ACTN4: variants seen among roughly 807,000 people sequenced by gnomAD.
The protein encoded by ACTN4 is actinin alpha 4, also known as alpha-actinin-4.
ACTN4 carries 18 observed loss-of-function variants against 114.2 expected under a neutral mutation model. The observed-to-expected ratio is 0.16, with a 90% CI of 0.11 to 0.23. The LOEUF is 0.23. Ranked by LOEUF, ACTN4 falls within the 10% of genes least tolerant of loss-of-function variation. ACTN4 has a pLI of 1.00. For synonymous variants in ACTN4, 515 were observed against 506.3 expected (o/e 1.02, Z -0.23); for missense variants, 722 against 1,262.9 (o/e 0.57, Z 6.49).
intron 1 of ACTN4, among the ~76,000 whole-genome samples, chr19:38,675,648 A>G (rs1967349533): frequency 6.6e-6 from 1 of 152,222 alleles, no homozygotes; most frequent in Admixed American, 6.5e-5. Flanking sequence ...ATCAGGCTCA[A>G]GTCCATGTTG....
At chr19:38,689,582 C>G (rs1001464063) in intron 1 of ACTN4, among the ~76,000 whole-genome samples, 20 of 151,804 alleles carry the variant, frequency 1.3e-4, no homozygotes, top group African/African-American at 4.8e-4. Flanking sequence ...ACTGTAGCCT[C>G]GAATTCCCAG....
intron 1 of ACTN4, among the ~76,000 whole-genome samples, chr19:38,680,247 A>G (rs1239032441): frequency 8.1e-6 from 1 of 123,450 alleles, no homozygotes; most frequent in Non-Finnish European, 1.6e-5. Flanking sequence ...TTTTTTTTTA[A>G]AGTCAGAGTC....
chr19:38,696,461 C>T (rs1380427065), intron 1 of ACTN4, among the ~76,000 whole-genome samples: 2 of 152,126 alleles, frequency 1.3e-5, no homozygotes, highest in Admixed American at 6.5e-5. Context: ...CCCCACGCAG[C>T]GTAGTCTAAA....
Position 38,724,710 on chromosome 19 carries a change from C to T in ACTN4, c.2010+145C>T. On this transcript the variant is annotated intron_variant, in intron 16 of 20. Transcript: ENST00000252699. The surrounding 1 kb of genome is among the most constrained non-coding windows in gnomAD (Gnocchi z 7.0). ...CTCACCACCCAGGGGCCGTGATCACCCTGCGGGGTTAGGAGAGTCCACAGA... is the reference window on the plus strand; with the variant it reads ...CTCACCACCCAGGGGCCGTGATCACTCTGCGGGGTTAGGAGAGTCCACAGA... The T allele has an allele frequency of 5.0e-6, 7 of 1,394,320 alleles. No individual in the cohort carries two copies. Among genetic ancestry groups the T allele is most frequent in the Non-Finnish European group, 6.9e-6 (7 of 1,012,148 alleles). 86.4% of individuals were successfully genotyped at this position (1,394,320 alleles called of 1,614,324 possible).
chr19:38,655,971 T>G (rs1005014692), intron 1 of ACTN4, among the ~76,000 whole-genome samples: 1 of 152,200 alleles, frequency 6.6e-6, no homozygotes, highest in African/African-American at 2.4e-5. Flanking sequence ...ATGCAACCAT[T>G]CATTTTTTTT....
chr19:38,713,544 G>A (rs922242357), intron 8 of ACTN4, among the ~76,000 whole-genome samples: 3 of 152,176 alleles, frequency 2.0e-5, no homozygotes, highest in Admixed American at 1.3e-4. Flanking sequence ...AGCATGGCGC[G>A]GGGTGTGCAC....
At chr19:38,714,309 C>T (rs1178906609) in intron 8 of ACTN4, among the ~76,000 whole-genome samples, 160 bp from the exon 9 acceptor site, 3 of 152,212 alleles carry the variant, frequency 2.0e-5, no homozygotes, top group Non-Finnish European at 4.4e-5. Context: ...GCCAACAAGG[C>T]CTATTGGGAC....
chr19:38,666,400 C>T (rs1966962330), intron 1 of ACTN4, among the ~76,000 whole-genome samples: 1 of 152,198 alleles, frequency 6.6e-6, no homozygotes, highest in Non-Finnish European at 1.5e-5. Flanking sequence ...TCAGGAGCTG[C>T]CCATTGTTGG....
intron 1 of ACTN4, among the ~76,000 whole-genome samples, chr19:38,675,952 C>G (rs1234250147): frequency 6.6e-6 from 1 of 152,220 alleles, no homozygotes; most frequent in Non-Finnish European, 1.5e-5. Context: ...GCCATGGACT[C>G]AGATTCTCAG....
chr19:38,670,851 C>A (rs1268405411), intron 1 of ACTN4, among the ~76,000 whole-genome samples: 1 of 150,528 alleles, frequency 6.6e-6, no homozygotes, highest in Non-Finnish European at 1.5e-5. Flanking sequence ...TGAACCAGGG[C>A]GTCGGAGGTT....
chr19:38,662,502 T>C (rs760650054), intron 1 of ACTN4, among the ~76,000 whole-genome samples: 12 of 152,230 alleles, frequency 7.9e-5, no homozygotes, highest in Non-Finnish European at 1.5e-4. Flanking sequence ...GTTTCCATTC[T>C]CCTGGCAGCA....
At chr19:38,684,123 C>T (rs962248821) in intron 1 of ACTN4, 1 of 152,240 alleles carries the variant, frequency 6.6e-6, no homozygotes, top group Non-Finnish European at 1.5e-5. Context: ...TGGGTATATC[C>T]CCCAGCATTC....
Position 38,730,562 on chromosome 19 carries a change from C to A in ACTN4, c.*1130C>A. On this transcript the variant is annotated 3_prime_UTR_variant, in exon 21 of 21. Coordinates refer to ENST00000252699, the MANE Select transcript of ACTN4 (RefSeq NM_004924.6). ...GCAGCATCATCTTTTTTTATTTCTC[C>A]TGTGTCTGTCCTCCACCTTCTAGGA... 1 of 500,534 alleles carries A rather than the reference C, an allele frequency of 2.0e-6. No homozygotes were observed. The highest frequency in any genetic ancestry group is 3.6e-6 in the Non-Finnish European group (1 of 280,170). 31.0% of individuals were successfully genotyped at this position (500,534 alleles called of 1,614,324 possible).
rs372638469 is a variant in ACTN4, at chr19:38,731,149, C to T, written c.*1717C>T. The T allele has an allele frequency of 1.9e-5, 31 of 1,612,986 alleles. No individual in the cohort carries two copies. The highest frequency in any genetic ancestry group is 9.3e-5 in the African/African-American group (7 of 74,904). ...TGGGCCACACAGGACACGAACCGCT[C>T]GAAGTCCACACGCAGACGGCTATCC... is the stretch of plus-strand genomic sequence containing the variant. On this transcript the variant is annotated 3_prime_UTR_variant, in exon 21 of 21. Coordinates refer to ENST00000252699, the MANE Select transcript of ACTN4 (RefSeq NM_004924.6).
chr19:38,676,118 T>A (rs972921330), intron 1 of ACTN4, among the ~76,000 whole-genome samples: 14 of 151,856 alleles, frequency 9.2e-5, no homozygotes, highest in Non-Finnish European at 1.8e-4. Flanking sequence ...GAGTCCCATA[T>A]GGGAGTTATT....
At chr19:38,673,573 A>G (rs1967234776) in intron 1 of ACTN4, among the ~76,000 whole-genome samples, 1 of 122,246 alleles carries the variant, frequency 8.2e-6, no homozygotes, top group South Asian at 2.2e-4. Flanking sequence ...ATATTTATAT[A>G]TATTCATATA....
intron 1 of ACTN4, among the ~76,000 whole-genome samples, chr19:38,672,095 C>T (rs541904638): frequency 6.6e-4 from 100 of 152,044 alleles, no homozygotes; most frequent in Non-Finnish European, 3.7e-4. Context: ...TATACTACAG[C>T]GATTAGGATG....
Position 38,724,093 on chromosome 19 carries a change from C to G in ACTN4, c.1692+16C>G, listed in dbSNP as rs1295916046. On this transcript the variant is annotated intron_variant, in intron 14 of 20. Transcript: ENST00000252699. This position sits in a 1 kb window ranked among gnomAD's most constrained non-coding sequence, Gnocchi z 7.0. ...GGAGATTGAGGTTCGCACCCCCCGG[C>G]CCCCCATCTTCCCAAGAGCCTCTGT... is the stretch of plus-strand genomic sequence containing the variant. The G allele has an allele frequency of 6.2e-7, 1 of 1,613,612 alleles. No homozygotes were observed. The highest frequency in any genetic ancestry group is 1.7e-5 in the Admixed American group (1 of 60,034).
chr19:38,679,562 G>GGTGCGTGTGTGT (rs1555827848), intron 1 of ACTN4, among the ~76,000 whole-genome samples: 22 of 96,298 alleles, frequency 2.3e-4, no homozygotes, highest in South Asian at 4.9e-4. Flanking sequence ...AATAGATTTG[G>GGTGCGTGTGTGT]GTGTGCGTGT....
Sources: gnomAD v4.1 joint callset for allele counts (sites outside exome capture counted in the v4.1 genomes callset) on GRCh38, gnomAD v4.1.1 for gene constraint, Gnocchi (gnomAD v3.1) non-coding constraint, MANE v1.5 for transcripts, NCBI Gene and HGNC (gene_info 2026-07-23, HGNC 2026-07-21) for gene names.